Variants in CELSR1 observed in about 807,000 individuals in gnomAD.
CELSR1 encodes adhesion G protein-coupled receptor C1.
A neutral mutation model predicts 249.1 loss-of-function variants in CELSR1; 110 were observed. The observed-to-expected ratio is 0.44, with a 90% CI of 0.38 to 0.52. The LOEUF is 0.52. Ranked by LOEUF, CELSR1 falls within the 20% of genes least tolerant of loss-of-function variation. The probability of loss-of-function intolerance (pLI) is 0.00; values close to 1 mark genes in which losing one functional copy is unlikely to be tolerated. For missense variants in CELSR1, 4,109 were observed against 4,296.4 expected, an observed-to-expected ratio of 0.96 and a Z score of 1.22; for synonymous variants, 2,113 against 1,900.0, an observed-to-expected ratio of 1.11 and a Z score of -2.92.
intron 1 of CELSR1, among the ~76,000 whole-genome samples, chr22:46,524,535 T>TGTGTGC (rs2080718160): frequency 2.1e-5 from 2 of 96,210 alleles, no homozygotes; most frequent in South Asian, 7.4e-4. Context: ...CCACCCCCGT[T>TGTGTGC]GTGTGCGTGT....
chr22:46,411,891 C>T lies in CELSR1; in HGVS notation c.4612-132G>A. The stretch of plus-strand genomic sequence containing the variant: ...GCACGTAGACAAGGGATGAGGAGCC[C>T]CCGGCCTTTAGTTCCCCAAACTAGC... On this transcript the variant is annotated intron_variant, in intron 5 of 34. Coordinates refer to ENST00000674500, the MANE Select transcript of CELSR1 (RefSeq NM_001378328.1). This position sits in a 1 kb window ranked among gnomAD's most constrained non-coding sequence, Gnocchi z 4.2. 8.5e-7 allele frequency: 1 copy of T among 1,173,482 alleles called. No homozygotes were observed. The highest frequency in any genetic ancestry group is 1.2e-6 in the Non-Finnish European group (1 of 820,190). The allele number at this position is 1,173,482 out of a possible 1,614,324, so 72.7% of individuals were successfully genotyped here.
In CELSR1 at chr22:46,389,290, C is replaced by A; in HGVS notation, c.6555G>T (p.Glu2185Asp). ...GCCAGGGTGGCGGCCACCCGCCTAC[C>A]TCGTGAAAGTCGGCGTCCTGCGTGG... ...LAATQDADFH[E>D]DVIHSGSALL... Residue 2185 changes from glutamate (E) to aspartate (D), a missense_variant and splice_region_variant, in exon 18 of 35, where the codon GAG becomes GAT. Physicochemically the swap from Glu to Asp is conservative, Grantham distance 45 (BLOSUM62 2). Coordinates refer to ENST00000674500, the MANE Select transcript of CELSR1 (RefSeq NM_001378328.1). 6.2e-7 allele frequency: 1 copy of A among 1,604,358 alleles called. No individual in the cohort carries two copies. The highest frequency in any genetic ancestry group is 8.5e-7 in the Non-Finnish European group (1 of 1,179,662).
chr22:46,508,458 C>T (rs1258298050), intron 1 of CELSR1, among the ~76,000 whole-genome samples: 2 of 135,396 alleles, frequency 1.5e-5, no homozygotes, highest in Non-Finnish European at 3.2e-5. Context: ...CCTTGCTGTC[C>T]CCTCGCTGTC....
intron 1 of CELSR1, among the ~76,000 whole-genome samples, chr22:46,497,061 A>T (rs2080421171): frequency 6.6e-6 from 1 of 152,182 alleles, no homozygotes; most frequent in Non-Finnish European, 1.5e-5. Context: ...CAAACACATG[A>T]GTAATGTGTT....
chr22:46,415,281 C>G (rs2079386937), intron 5 of CELSR1, among the ~76,000 whole-genome samples: 2 of 152,270 alleles, frequency 1.3e-5, no homozygotes, highest in South Asian at 2.1e-4. Context: ...TCCCAAGTAG[C>G]TGGGACTACA....
rs775135167 is a variant in CELSR1 at position 46,365,348 on chromosome 22, G to C, written c.8437C>G (p.Leu2813Val). The C allele has an allele frequency of 6.2e-7, 1 of 1,612,916 alleles. No individual in the cohort carries two copies. The highest frequency in any genetic ancestry group is 8.5e-7 in the Non-Finnish European group (1 of 1,179,942). ...GCGTAAGAGCTGCTCTGCTCATCCAGGGACAGCTCGCTATCTGAGTCGGAA... is the reference window on the plus strand; with the variant it reads ...GCGTAAGAGCTGCTCTGCTCATCCACGGACAGCTCGCTATCTGAGTCGGAA... The part of the protein sequence containing the change: ...HDSDSDSELS[L>V]DEQSSSYASS... Residue 2813 changes from leucine (L) to valine (V), a missense_variant, in exon 32 of 35, where the codon CTG (leucine) becomes GTG (valine). Leu to Val is a conservative substitution (Grantham distance 32). This residue lies in a region of CELSR1 where 1,805 missense variants were observed against 1,831.6 expected (regional missense o/e 0.99). Transcript: ENST00000674500.
rs1306790348 is a variant in CELSR1 at position 46,390,440 on chromosome 22, T to C, written c.6297A>G (p.Pro2099=). The change falls in exon 17 of 35, where the codon CCA becomes CCG. Residue 2099 remains proline, a synonymous_variant. Transcript: ENST00000674500. This position sits in a 1 kb window ranked among gnomAD's most constrained non-coding sequence, Gnocchi z 6.3. Reference sequence around the variant, plus strand: ...AGATGGTGGTACAGTTAAAGAGCTCTGGGGGCAGCCAGCCCTTCTCCCCGC... The same window carrying C: ...AGATGGTGGTACAGTTAAAGAGCTCCGGGGGCAGCCAGCCCTTCTCCCCGC... ...HCSGEKGWLP[P]ELFNCTTISF... The C allele has an allele frequency of 1.2e-5, 20 of 1,613,758 alleles. No homozygotes were observed. Among genetic ancestry groups the C allele is most frequent in the Admixed American group, 8.3e-5 (5 of 59,988 alleles).
chr22:46,411,780 G>T lies in CELSR1; in HGVS notation c.4612-21C>A, dbSNP rs1462435419. The T allele has an allele frequency of 6.2e-7, 1 of 1,613,086 alleles. No homozygotes were observed. The highest frequency in any genetic ancestry group is 1.7e-5 in the Admixed American group (1 of 60,034). On this transcript the variant is annotated intron_variant, in intron 5 of 34. Transcript: ENST00000674500. This position sits in a 1 kb window ranked among gnomAD's most constrained non-coding sequence, Gnocchi z 4.2. ...TTGGGCTGTAAGAAGAGAAAGCACA[G>T]AAGGTGTCAGCGTTTTCTCCACCAG...
rs897742674 is a variant in CELSR1, at chr22:46,506,235, C to T, written c.3544+27392G>A. ...CAGAAAAGAAACTACTGACTACTGA[C>T]GGATTGCTGGGTTCTGGATGGACAT... On this transcript the variant is annotated intron_variant, in intron 1 of 34. Transcript: ENST00000674500. This position sits in a 1 kb window ranked among gnomAD's most constrained non-coding sequence, Gnocchi z 4.1. Among the ~76,000 whole-genome samples, 13 of 151,712 alleles carry T rather than the reference C, an allele frequency of 8.6e-5. No homozygotes were observed. The highest frequency in any genetic ancestry group is 2.1e-4 in the South Asian group (1 of 4,796).
intron 1 of CELSR1, among the ~76,000 whole-genome samples, chr22:46,516,059 A>G (rs2080624165): frequency 1.3e-5 from 2 of 152,232 alleles, no homozygotes; most frequent in African/African-American, 4.8e-5. Context: ...CGATTCCTCA[A>G]GGATCTAGAA....
chr22:46,379,760 G>A lies in CELSR1; in HGVS notation c.7256+1028C>T, dbSNP rs912073565. 8.5e-5 allele frequency among the ~76,000 whole-genome samples: 13 copies of A among 152,310 alleles called. No homozygotes were observed. The South Asian group carries it at 1.2e-3, about 15-fold the overall frequency. On this transcript the variant is annotated intron_variant, in intron 22 of 34. Transcript: ENST00000674500. Reference sequence around the variant, plus strand: ...CCAGGGCAACTGTGATGGGGGCAGCGTTCCTGCTGCACAGACGTCCCCAGA... The same window carrying A: ...CCAGGGCAACTGTGATGGGGGCAGCATTCCTGCTGCACAGACGTCCCCAGA...
chr22:46,513,608 T>C (rs2080595644), intron 1 of CELSR1, among the ~76,000 whole-genome samples: 1 of 152,130 alleles, frequency 6.6e-6, no homozygotes, highest in Non-Finnish European at 1.5e-5. Flanking sequence ...GGCCCTTATC[T>C]CGTGCACCAG....
At chr22:46,530,856 G>T (rs527683801) in intron 1 of CELSR1, among the ~76,000 whole-genome samples, 62 of 152,248 alleles carry the variant, frequency 4.1e-4, no homozygotes, top group African/African-American at 1.4e-3. Context: ...GCCCTTCCTG[G>T]AATGGCTCCC....
At chr22:46,491,082 G>A (rs1026157550) in intron 1 of CELSR1, among the ~76,000 whole-genome samples, 38 of 151,818 alleles carry the variant, frequency 2.5e-4, no homozygotes, top group African/African-American at 8.2e-4. Flanking sequence ...TCTCCACCCC[G>A]GGCCCTTGGA....
chr22:46,385,498 C>T (rs988867670), intron 19 of CELSR1, among the ~76,000 whole-genome samples: 14 of 152,088 alleles, frequency 9.2e-5, no homozygotes, highest in African/African-American at 3.4e-4. Context: ...CCTCGACACC[C>T]ACCCTTCTAG....
chr22:46,446,782 T>C lies in CELSR1; in HGVS notation c.4184-7371A>G, dbSNP rs187147317. The stretch of plus-strand genomic sequence containing the variant: ...TGATTCAAATAGTGCAGGAAAGGTG[T>C]TGATGAAATGAATTAATTTTATAGT... On this transcript the variant is annotated intron_variant, in intron 2 of 34. Coordinates refer to ENST00000674500, the MANE Select transcript of CELSR1 (RefSeq NM_001378328.1). The surrounding 1 kb of genome is among the most constrained non-coding windows in gnomAD (Gnocchi z 5.5). Among the ~76,000 whole-genome samples the C allele has an allele frequency of 3.3e-5, 5 of 152,320 alleles. No individual in the cohort carries two copies. In the East Asian group the frequency reaches 9.6e-4, roughly 29 times the overall value.
chr22:46,516,698 C>T (rs190987112), intron 1 of CELSR1, among the ~76,000 whole-genome samples: 24 of 152,262 alleles, frequency 1.6e-4, no homozygotes, highest in Admixed American at 7.2e-4. Context: ...GTAATTTCCT[C>T]GACCAGCTCA....
intron 24 of CELSR1, 142 bp downstream of exon 24, chr22:46,376,919 G>C: frequency 1.2e-6 from 1 of 823,742 alleles, no homozygotes; most frequent in Non-Finnish European, 1.9e-6. Context: ...GACCAGGCAC[G>C]TTCCTGAAAG....
At position 46,409,439 on chromosome 22, in the gene CELSR1, C is replaced by T. The variant is rs1427881768; in HGVS notation, c.5060-277G>A. Among the ~76,000 whole-genome samples the T allele has an allele frequency of 5.3e-5, 8 of 152,152 alleles. No individual in the cohort carries two copies. Among genetic ancestry groups the T allele is most frequent in the African/African-American group, 1.9e-4 (8 of 41,442 alleles). ...ATGGGCGTGGTAAGGGGCTCTCAGG[C>T]TTGACAGGAGGCAGACGGGGGCGGG... is the stretch of plus-strand genomic sequence containing the variant. On this transcript the variant is annotated intron_variant, in intron 8 of 34. Coordinates refer to ENST00000674500, the MANE Select transcript of CELSR1 (RefSeq NM_001378328.1). The surrounding 1 kb of genome is among the most constrained non-coding windows in gnomAD (Gnocchi z 9.8).
Sources: gnomAD v4.1 joint callset for allele counts (sites outside exome capture counted in the v4.1 genomes callset) on GRCh38, gnomAD v4.1.1 for gene constraint, gnomAD v4.1.1 regional missense constraint, Gnocchi (gnomAD v3.1) non-coding constraint, MANE v1.5 for transcripts, NCBI Gene and HGNC (gene_info 2026-07-23, HGNC 2026-07-21) for gene names.